Variants in ING5 observed in about 807,000 individuals in gnomAD.
The protein encoded by ING5 is inhibitor of growth family member 5, also known as inhibitor of growth protein 5.
Under a neutral mutation model 37.4 loss-of-function variants are expected in ING5, and 17 were observed. The ratio of observed to expected loss-of-function variants is 0.45; its 90% CI spans 0.31 to 0.68. The LOEUF is 0.68. Ranked by LOEUF, ING5 falls within the 30% of genes least tolerant of loss-of-function variation. The probability of loss-of-function intolerance (pLI) is 0.05; values close to 1 mark genes in which losing one functional copy is unlikely to be tolerated. For synonymous variants in ING5, 123 were observed against 116.6 expected, an observed-to-expected ratio of 1.06 and a Z score of -0.36; for missense variants, 233 against 311.9, an observed-to-expected ratio of 0.75 and a Z score of 1.91.
upstream of ING5, among the ~76,000 whole-genome samples, chr2:241,700,809 A>C (rs1158565163): frequency 6.6e-6 from 1 of 150,916 alleles, no homozygotes; most frequent in African/African-American, 2.4e-5. Flanking sequence ...TATTTTTAGT[A>C]GAGACATGAT....
chr2:241,724,702 G>T (rs948811570), intron 7 of ING5: 1 of 482,076 alleles, frequency 2.1e-6, no homozygotes. Flanking sequence ...CCCTGCCATC[G>T]GCCGGGGAAG....
At chr2:241,689,172 G>A (rs1338120874) in intron 1 of ING5, among the ~76,000 whole-genome samples, 2 of 151,622 alleles carry the variant, frequency 1.3e-5, no homozygotes, top group African/African-American at 4.8e-5. Flanking sequence ...GAGTGCAATG[G>A]CATGATCTTG....
At position 241,704,673 on chromosome 2, in the gene ING5, G is replaced by A. The variant is rs766613237; in HGVS notation, c.58G>A (p.Glu20Lys). The change falls in exon 2 of 8, where the codon GAA becomes AAA. Residue 20 changes from glutamate to lysine, a missense_variant. Glu to Lys is a moderately conservative substitution (Grantham distance 56, BLOSUM62 1). Transcript: ENST00000313552. ...YLDSIENLPC[E>K]LQRNFQLMRE... Reference sequence around the variant, plus strand: ...TTCAGGTATCGAGAACCTTCCCTGCGAACTTCAGAGGAACTTCCAGCTGAT... The same window carrying A: ...TTCAGGTATCGAGAACCTTCCCTGCAAACTTCAGAGGAACTTCCAGCTGAT... 4 of 1,614,112 alleles carry A rather than the reference G, an allele frequency of 2.5e-6. No individual in the cohort carries two copies. Among genetic ancestry groups the A allele is most frequent in the Non-Finnish European group, 3.4e-6 (4 of 1,179,978 alleles).
In ING5 at chr2:241,691,123, T is replaced by A. The variant is rs554892434; in HGVS notation, c.43+470T>A. ...GCGCACCCAGCCAGGTTATCTGCTTTCTTGTGTTTGAGATTTTCCATTTAA... is the reference window on the plus strand; with the variant it reads ...GCGCACCCAGCCAGGTTATCTGCTTACTTGTGTTTGAGATTTTCCATTTAA... On this transcript the variant is annotated intron_variant, in intron 2 of 7. Coordinates refer to the ING5 transcript ENST00000636051. Among the ~76,000 whole-genome samples, 28 of 151,792 alleles carry A rather than the reference T, an allele frequency of 1.8e-4. 2 individuals carry two copies. In the South Asian group the frequency reaches 4.2e-3, roughly 23 times the overall value.
chr2:241,724,457 G>T (rs905072746), intron 7 of ING5, among the ~76,000 whole-genome samples: 1 of 152,172 alleles, frequency 6.6e-6, no homozygotes, highest in Non-Finnish European at 1.5e-5. Flanking sequence ...TGCCTCCTGC[G>T]TGGGGAACCT....
intron 5 of ING5, chr2:241,719,424 C>T: frequency 1.1e-6 from 1 of 879,226 alleles, no homozygotes; most frequent in Middle Eastern, 2.1e-4. Flanking sequence ...CCACAGCTCC[C>T]CGACATCTTT....
At position 241,711,027 on chromosome 2, in the gene ING5, G is replaced by T. The variant is rs377131768; in HGVS notation, c.277-350G>T. Among the ~76,000 whole-genome samples, 8 of 152,324 alleles carry T rather than the reference G, an allele frequency of 5.3e-5. No homozygotes were observed. In the East Asian group the frequency reaches 1.3e-3, roughly 26 times the overall value. ...ACCTCCCAAAGTGCTGGGATTACAG[G>T]TGTGAGCCGCTGCACCTGGCCTCCA... On this transcript the variant is annotated intron_variant, in intron 3 of 7. Transcript: ENST00000313552.
intron 4 of ING5, 22 bp downstream of exon 4, chr2:241,711,510 C>A: frequency 6.5e-7 from 1 of 1,530,802 alleles, no homozygotes; most frequent in Non-Finnish European, 8.9e-7. Context: ...AATTTTTTTT[C>A]TTTATTTTAT....
Position 241,725,328 on chromosome 2 carries a change from G to GGCGT in ING5, c.*301_*304dup, listed in dbSNP as rs1240915271. The GGCGT allele has an allele frequency of 2.4e-6, 1 of 419,432 alleles. No homozygotes were observed. Among genetic ancestry groups the GGCGT allele is most frequent in the East Asian group, 5.0e-5 (1 of 19,802 alleles). 26.0% of individuals were successfully genotyped at this position (419,432 alleles called of 1,614,324 possible). ...CGCGTGAGCTCGGGCTGCCCGGCCG[G>GGCGT]GCGTGCGGGCGGGGACATGGTAACC... On this transcript the variant is annotated 3_prime_UTR_variant, in exon 8 of 8. Transcript: ENST00000313552.
chr2:241,719,562 G>T, intron 5 of ING5: 1 of 1,536,148 alleles, frequency 6.5e-7, no homozygotes. Flanking sequence ...TTTTCTGCGT[G>T]AAAGTGGGAC....
chr2:241,705,255 T>C (rs899281002), intron 2 of ING5, among the ~76,000 whole-genome samples: 1 of 151,790 alleles, frequency 6.6e-6, no homozygotes, highest in Non-Finnish European at 1.5e-5. Flanking sequence ...TTTTTTTGTA[T>C]TTTTAGTAGA....
upstream of ING5, among the ~76,000 whole-genome samples, chr2:241,701,565 G>C (rs1396983831): frequency 6.6e-6 from 1 of 152,024 alleles, no homozygotes; most frequent in Non-Finnish European, 1.5e-5. Context: ...GAGGCCCCGG[G>C]GGCTCGGGGT....
chr2:241,716,041 C>T (rs965342736), intron 5 of ING5, among the ~76,000 whole-genome samples: 1 of 151,538 alleles, frequency 6.6e-6, no homozygotes, highest in Non-Finnish European at 1.5e-5. Context: ...GATCTGCCCA[C>T]CTTGGCCTCC....
chr2:241,711,744 T>C, intron 4 of ING5: 1 of 568,722 alleles, frequency 1.8e-6, no homozygotes, highest in Non-Finnish European at 3.1e-6. Flanking sequence ...CAACAAAAAA[T>C]TTAAAAATTA....
chr2:241,693,797 A>G (rs1279780290), intron 2 of ING5, among the ~76,000 whole-genome samples: 1 of 151,114 alleles, frequency 6.6e-6, no homozygotes, highest in Admixed American at 6.7e-5. Context: ...AGCTGGGATT[A>G]CAGGCACCCA....
chr2:241,707,498 G>A (rs1191060120), intron 2 of ING5, among the ~76,000 whole-genome samples: 1 of 151,756 alleles, frequency 6.6e-6, no homozygotes, highest in Non-Finnish European at 1.5e-5. Context: ...CTCCATGTTG[G>A]TCAGGCTGGT....
chr2:241,697,433 T>TG (rs1575116379), upstream of ING5, among the ~76,000 whole-genome samples: 64 of 104,566 alleles, frequency 6.1e-4, no homozygotes, highest in African/African-American at 2.0e-3. Flanking sequence ...AGACTCTGTC[T>TG]CAAAAAAAAA....
At chr2:241,689,651 G>C (rs891374422) in intron 1 of ING5, among the ~76,000 whole-genome samples, 2 of 152,236 alleles carry the variant, frequency 1.3e-5, no homozygotes, top group African/African-American at 2.4e-5. Flanking sequence ...GCACCAGCAA[G>C]AAGTAAACCA....
rs556560439 is a variant in ING5, at chr2:241,714,967, A to G, written c.482+2896A>G. Among the ~76,000 whole-genome samples, 20 of 151,856 alleles carry G rather than the reference A, an allele frequency of 1.3e-4. No individual in the cohort carries two copies. In the East Asian group the frequency reaches 3.3e-3, roughly 25 times the overall value. ...TGTTTTCTCTATTTTTTTGTTTGCT[A>G]TTGCATTTGTTTCTACTCTCTATTT... On this transcript the variant is annotated intron_variant, in intron 5 of 7. Coordinates refer to ENST00000313552, the MANE Select transcript of ING5 (RefSeq NM_032329.6).
Sources: allele counts gnomAD v4.1 joint callset (sites outside exome capture counted in the v4.1 genomes callset), GRCh38; gene constraint gnomAD v4.1.1; transcripts MANE v1.5; gene names NCBI Gene and HGNC (gene_info 2026-07-23, HGNC 2026-07-21).